RUFY3: variants seen among roughly 807,000 people sequenced by gnomAD.
RUFY3 encodes RUN and FYVE domain containing 3.
Under a neutral mutation model 84.0 loss-of-function variants are expected in RUFY3, and 34 were observed. The ratio of observed to expected loss-of-function variants is 0.40; its 90% CI spans 0.31 to 0.54. The LOEUF (loss-of-function observed/expected upper bound fraction) is 0.54, where lower values mean the gene tolerates loss of function less well. Among genes scored for constraint, RUFY3 ranks in the 20% least tolerant of loss-of-function variants. The pLI, the probability that RUFY3 is intolerant of heterozygous loss-of-function variation, is 0.39. For missense variants in RUFY3, 507 were observed against 736.8 expected, an observed-to-expected ratio of 0.69 and a Z score of 3.61; for synonymous variants, 242 against 252.9, an observed-to-expected ratio of 0.96 and a Z score of 0.41.
chr4:70,776,267 A>G (rs1473245408), intron 7 of RUFY3, among the ~76,000 whole-genome samples: 1 of 152,218 alleles, frequency 6.6e-6, no homozygotes, highest in Non-Finnish European at 1.5e-5. Context: ...AAATAAAACA[A>G]CTTTAACAAT....
At chr4:70,757,757 TAGTA>T (rs1724277855) in intron 1 of RUFY3, among the ~76,000 whole-genome samples, 1 of 152,228 alleles carries the variant, frequency 6.6e-6, no homozygotes, top group South Asian at 2.1e-4. Flanking sequence ...CTGCGATAAA[TAGTA>T]AGCACTTTGA....
rs570786871 is a variant in RUFY3 at position 70,792,506 on chromosome 4, T to C, written c.1338-1279T>C. Reference sequence around the variant, plus strand: ...ATTGTAAATAATCCTATAAACAGTTTGATTTTTTAAGATGATTTTTGATTT... The same window carrying C: ...ATTGTAAATAATCCTATAAACAGTTCGATTTTTTAAGATGATTTTTGATTT... On this transcript the variant is annotated intron_variant, in intron 12 of 17. Coordinates refer to ENST00000381006, the MANE Select transcript of RUFY3 (RefSeq NM_001037442.4). The C allele has an allele frequency of 9.1e-6, 9 of 985,114 alleles. No homozygotes were observed. The Admixed American group carries it at 4.9e-4, about 54-fold the overall frequency. The allele number at this position is 985,114 out of a possible 1,614,324, so 61.0% of individuals were successfully genotyped here. A position where few individuals can be genotyped will look rare whatever the true frequency, so the allele number is the denominator to read the frequency against.
At position 70,794,745 on chromosome 4, in the gene RUFY3, T is replaced by G. The variant is rs755227559; in HGVS notation, c.1458-50T>G. ...GGGTTGGCATTCTTTAGAGAATATG[T>G]CTGTATAGAATTCCAATTTTTCATC... On this transcript the variant is annotated intron_variant, in intron 13 of 17. Transcript: ENST00000381006. 4.2e-6 allele frequency: 5 copies of G among 1,186,394 alleles called. No homozygotes were observed. The South Asian group carries it at 6.2e-5, about 15-fold the overall frequency. The allele number at this position is 1,186,394 out of a possible 1,614,324, so 73.5% of individuals were successfully genotyped here.
At position 70,762,838 on chromosome 4, in the gene RUFY3, C is replaced by T. The variant is rs1055903272; in HGVS notation, c.352+146C>T. 7.1e-6 allele frequency: 5 copies of T among 706,918 alleles called. No individual in the cohort carries two copies. In the African/African-American group the frequency reaches 9.0e-5, roughly 13 times the overall value. The allele number at this position is 706,918 out of a possible 1,614,324, so 43.8% of individuals were successfully genotyped here. On this transcript the variant is annotated intron_variant, in intron 2 of 17. Coordinates refer to ENST00000381006, the MANE Select transcript of RUFY3 (RefSeq NM_001037442.4). The stretch of plus-strand genomic sequence containing the variant: ...ATTGGAATGCAGTCTTTTATAGGAG[C>T]AGGGTTATGGTTGACTCAATGGACT...
chr4:70,753,421 A>G (rs984318045), intron 1 of RUFY3, among the ~76,000 whole-genome samples: 1 of 152,096 alleles, frequency 6.6e-6, no homozygotes, highest in East Asian at 1.9e-4. Flanking sequence ...CCTTCCTCCT[A>G]GGGCTTTCTA....
intron 7 of RUFY3, among the ~76,000 whole-genome samples, chr4:70,776,642 A>G (rs1042293610): frequency 7.2e-5 from 11 of 152,056 alleles, no homozygotes; most frequent in African/African-American, 2.4e-4. Context: ...CGGGCGTGGT[A>G]CCAGGCGCCT....
chr4:70,790,065 T>A, intron 12 of RUFY3: 1 of 205,466 alleles, frequency 4.9e-6, no homozygotes, highest in East Asian at 1.8e-4. Flanking sequence ...CCTTTTCTCT[T>A]ATCTCCCTTT....
chr4:70,708,935 C>T (rs775569970), intron 1 of RUFY3, among the ~76,000 whole-genome samples: 2 of 152,110 alleles, frequency 1.3e-5, no homozygotes, highest in Non-Finnish European at 2.9e-5. Flanking sequence ...GCACATGCCT[C>T]TGGTGCCAAC....
intron 5 of RUFY3, among the ~76,000 whole-genome samples, chr4:70,769,483 T>C (rs1389363642): frequency 6.6e-6 from 1 of 152,138 alleles, no homozygotes; most frequent in Non-Finnish European, 1.5e-5. Flanking sequence ...CTTCAGTGAG[T>C]TGTAATCTTT....
intron 1 of RUFY3, among the ~76,000 whole-genome samples, chr4:70,725,679 A>C (rs561042060): frequency 6.6e-6 from 1 of 152,312 alleles, no homozygotes; most frequent in South Asian, 2.1e-4. Flanking sequence ...AACAAGTTTA[A>C]TTGCAAATAG....
At chr4:70,734,707 A>G (rs1349272100) in intron 1 of RUFY3, 2 of 259,448 alleles carry the variant, frequency 7.7e-6, no homozygotes, top group African/African-American at 2.3e-5. Flanking sequence ...AAAGAGGTGC[A>G]TGCTGCCTCT....
At chr4:70,733,161 AG>A (rs1560464376) in intron 1 of RUFY3, among the ~76,000 whole-genome samples, 48 of 146,756 alleles carry the variant, frequency 3.3e-4, no homozygotes, top group African/African-American at 1.1e-3. Flanking sequence ...AGAGAGAGAG[AG>A]AGAGAAAGAA....
intron 15 of RUFY3, among the ~76,000 whole-genome samples, chr4:70,802,268 C>G (rs1481270491): frequency 6.6e-6 from 1 of 152,182 alleles, no homozygotes; most frequent in Non-Finnish European, 1.5e-5. Context: ...ATCGGAAAAC[C>G]TGGTCACCCC....
intron 2 of RUFY3, 40 bp from the exon 3 acceptor site, chr4:70,763,512 T>C: frequency 2.0e-6 from 3 of 1,528,988 alleles, no homozygotes; most frequent in South Asian, 1.2e-5. Flanking sequence ...GCTTATGTTG[T>C]AAAGAATATT....
At chr4:70,717,976 G>A (rs948693549), upstream of RUFY3, among the ~76,000 whole-genome samples, 3 of 144,524 alleles carry the variant, frequency 2.1e-5, no homozygotes, top group Admixed American at 7.3e-5. Context: ...TCCGCCTCCC[G>A]GGTTCACGCC....
chr4:70,770,736 C>A (rs1358367763), intron 5 of RUFY3, among the ~76,000 whole-genome samples: 3 of 152,096 alleles, frequency 2.0e-5, no homozygotes, highest in African/African-American at 7.3e-5. Context: ...TCCCTTCAAG[C>A]ACTTCTCCTT....
chr4:70,730,254 A>G lies in RUFY3; in HGVS notation c.178+7503A>G, dbSNP rs2148610509. ...TGTGCTTTTCTATTAACCTTCTTTTAGGGATAAGGAGTCTGACATTGAGAG... is the reference window on the plus strand; with the variant it reads ...TGTGCTTTTCTATTAACCTTCTTTTGGGGATAAGGAGTCTGACATTGAGAG... On this transcript the variant is annotated intron_variant, in intron 1 of 17. Coordinates refer to ENST00000381006, the MANE Select transcript of RUFY3 (RefSeq NM_001037442.4). Among the ~76,000 whole-genome samples, 2 of 152,082 alleles carry G rather than the reference A, an allele frequency of 1.3e-5. 1 individual carries two copies. Among genetic ancestry groups the G allele is most frequent in the South Asian group, 4.2e-4 (2 of 4,806 alleles).
In RUFY3 at chr4:70,803,578, C is replaced by A. The variant is rs564669384; in HGVS notation, c.1650+595C>A. On this transcript the variant is annotated intron_variant, in intron 16 of 17. Coordinates refer to ENST00000381006, the MANE Select transcript of RUFY3 (RefSeq NM_001037442.4). ...AGGCAGTCCTCCCACTTCTGCCTCC[C>A]GAGTAGCTAGGGCTGCAGAGATTAG... Among the ~76,000 whole-genome samples the A allele has an allele frequency of 1.1e-3, 175 of 152,178 alleles. 1 individual carries two copies. The highest frequency in any genetic ancestry group is 1.5e-3 in the Non-Finnish European group (99 of 67,998).
In RUFY3 at chr4:70,768,349, AC is replaced by A. The variant is rs545710918; in HGVS notation, c.573-187del. 5.3e-5 allele frequency among the ~76,000 whole-genome samples: 8 copies of A among 151,406 alleles called. No individual in the cohort carries two copies. In the East Asian group the frequency reaches 1.5e-3, roughly 29 times the overall value. On this transcript the variant is annotated intron_variant, in intron 4 of 17. Coordinates refer to ENST00000381006, the MANE Select transcript of RUFY3 (RefSeq NM_001037442.4). ...TCTCCAGTGCCACTTGCCAACATCC[AC>A]CTATTATTCTAAAAGTAAAATATTT... is the stretch of plus-strand genomic sequence containing the variant.
Sources: gnomAD v4.1 joint callset for allele counts (sites outside exome capture counted in the v4.1 genomes callset) on GRCh38, gnomAD v4.1.1 for gene constraint, MANE v1.5 for transcripts, NCBI Gene and HGNC (gene_info 2026-07-23, HGNC 2026-07-21) for gene names.